TTC7B: variants seen among roughly 807,000 people sequenced by gnomAD.
The protein encoded by TTC7B is tetratricopeptide repeat domain 7B.
A neutral mutation model predicts 106.8 loss-of-function variants in TTC7B; 28 were observed. The ratio of observed to expected loss-of-function variants is 0.26; its 90% CI spans 0.19 to 0.36. The LOEUF (loss-of-function observed/expected upper bound fraction) is 0.36. Ranked by LOEUF, TTC7B falls within the 10% of genes least tolerant of loss-of-function variation. The probability of loss-of-function intolerance (pLI) is 1.00; values close to 1 mark genes in which losing one functional copy is unlikely to be tolerated. For missense variants in TTC7B, 862 were observed against 1,076.4 expected, an observed-to-expected ratio of 0.80 and a Z score of 2.79; for synonymous variants, 405 against 430.6, an observed-to-expected ratio of 0.94 and a Z score of 0.74.
chr14:90,658,439 A>C, intron 9 of TTC7B, 52 bp from the exon 10 acceptor site: 1 of 1,511,646 alleles, frequency 6.6e-7, no homozygotes, highest in Non-Finnish European at 9.2e-7. Flanking sequence ...CTGGTGCCAC[A>C]ACTGCACAAG....
intron 15 of TTC7B, among the ~76,000 whole-genome samples, chr14:90,634,486 G>C (rs1244015652): frequency 1.3e-5 from 2 of 152,000 alleles, no homozygotes; most frequent in Non-Finnish European, 2.9e-5. Context: ...TAAGAAGAGA[G>C]GGAGGCCGGG....
At chr14:90,800,800 G>A (rs940163127) in intron 1 of TTC7B, among the ~76,000 whole-genome samples, 1 of 152,022 alleles carries the variant, frequency 6.6e-6, no homozygotes, top group East Asian at 1.9e-4. Flanking sequence ...GACAGAGCAA[G>A]ACTCCGTCTC....
At chr14:90,549,582 C>T (rs1315445781) in intron 19 of TTC7B, among the ~76,000 whole-genome samples, 2 of 152,152 alleles carry the variant, frequency 1.3e-5, no homozygotes, top group Non-Finnish European at 2.9e-5. Flanking sequence ...CTGGCTGCTG[C>T]TGGTGGCTTC....
At chr14:90,741,857 A>T (rs1480404012) in intron 4 of TTC7B, among the ~76,000 whole-genome samples, 3 of 152,154 alleles carry the variant, frequency 2.0e-5, no homozygotes, top group Non-Finnish European at 4.4e-5. Flanking sequence ...TGTTGGGTTC[A>T]TTCAATCTCT....
In TTC7B at chr14:90,578,829, G is replaced by A. The variant is rs939053368; in HGVS notation, c.2108-521C>T. Among the ~76,000 whole-genome samples, 7 of 152,226 alleles carry A rather than the reference G, an allele frequency of 4.6e-5. No homozygotes were observed. The highest frequency in any genetic ancestry group is 1.7e-4 in the African/African-American group (7 of 41,558). On this transcript the variant is annotated intron_variant, in intron 18 of 19. Coordinates refer to ENST00000328459, the MANE Select transcript of TTC7B (RefSeq NM_001010854.2). The surrounding 1 kb of genome is among the most constrained non-coding windows in gnomAD (Gnocchi z 4.7). ...ATGTTCACAGGCGTGATGCAAGATGGCTGCCCCGCCACACCTGGCCCCTGA... is the reference window on the plus strand; with the variant it reads ...ATGTTCACAGGCGTGATGCAAGATGACTGCCCCGCCACACCTGGCCCCTGA...
At chr14:90,775,501 C>A (rs1365920242) in intron 3 of TTC7B, among the ~76,000 whole-genome samples, 1 of 152,086 alleles carries the variant, frequency 6.6e-6, no homozygotes, top group African/African-American at 2.4e-5. Flanking sequence ...CATGGAAGAG[C>A]AATTTCCACC....
intron 5 of TTC7B, among the ~76,000 whole-genome samples, chr14:90,703,135 G>T (rs553485935): frequency 1.5e-4 from 23 of 152,312 alleles, no homozygotes; most frequent in African/African-American, 5.3e-4. Context: ...ACAAGCATGA[G>T]GGCGGGGTCC....
intron 19 of TTC7B, among the ~76,000 whole-genome samples, chr14:90,546,889 G>A (rs1256159716): frequency 1.3e-5 from 2 of 152,214 alleles, no homozygotes; most frequent in South Asian, 2.1e-4. Context: ...TCACCTCCAG[G>A]AGCCAGCGCT....
At chr14:90,592,395 A>G (rs1029930434) in intron 18 of TTC7B, among the ~76,000 whole-genome samples, 3 of 152,220 alleles carry the variant, frequency 2.0e-5, no homozygotes, top group African/African-American at 7.2e-5. Flanking sequence ...AGCGCAGTGT[A>G]GTGGGATTCT....
chr14:90,679,099 C>T (rs1886948009), intron 8 of TTC7B, among the ~76,000 whole-genome samples: 1 of 152,130 alleles, frequency 6.6e-6, no homozygotes, highest in African/African-American at 2.4e-5. Context: ...TATGTGCTTC[C>T]CTGATTGCAC....
Position 90,802,868 on chromosome 14 carries a change from C to T in TTC7B, c.121+13307G>A, listed in dbSNP as rs1399464496. On this transcript the variant is annotated intron_variant, in intron 1 of 19. Transcript: ENST00000328459. This position sits in a 1 kb window ranked among gnomAD's most constrained non-coding sequence, Gnocchi z 4.7. The stretch of plus-strand genomic sequence containing the variant: ...TAGAAAACATGGATAAGGCCGGGCA[C>T]GGTGGCTCACGCCTGTAATCCCAGC... 1.3e-5 allele frequency among the ~76,000 whole-genome samples: 2 copies of T among 151,668 alleles called. No individual in the cohort carries two copies. The highest frequency in any genetic ancestry group is 1.9e-4 in the East Asian group (1 of 5,160).
chr14:90,766,596 G>A (rs1278042023), intron 3 of TTC7B: 2 of 852,888 alleles, frequency 2.3e-6, no homozygotes, highest in Admixed American at 3.4e-5. Flanking sequence ...TCATCGATGG[G>A]CAGTGGAAAA....
chr14:90,813,672 CT>C (rs374826647), intron 1 of TTC7B, among the ~76,000 whole-genome samples: 197 of 140,630 alleles, frequency 1.4e-3, no homozygotes, highest in Middle Eastern at 3.7e-3. Flanking sequence ...ACACTGTATT[CT>C]TTTTTTTTTT....
intron 19 of TTC7B, among the ~76,000 whole-genome samples, chr14:90,554,614 G>A (rs988738945): frequency 1.3e-5 from 2 of 152,186 alleles, no homozygotes; most frequent in African/African-American, 4.8e-5. Flanking sequence ...CTCAAGGCTC[G>A]GGACTGGAGG....
Position 90,531,377 on chromosome 14 carries a change from C to CT in TTC7B, c.*9990dup. The CT allele has an allele frequency of 6.6e-6, 1 of 151,892 alleles. No homozygotes were observed. The highest frequency in any genetic ancestry group is 1.9e-4 in the East Asian group (1 of 5,186). 9.4% of individuals were successfully genotyped at this position (151,892 alleles called of 1,614,324 possible). A position where few individuals can be genotyped will look rare whatever the true frequency, so the allele number is the denominator to read the frequency against. ...CCTGAAGCAGGAGTTCGAGACCAGCCTGACCTACATGGTGAAACTCTGTCT... is the reference window on the plus strand; with the variant it reads ...CCTGAAGCAGGAGTTCGAGACCAGCCTTGACCTACATGGTGAAACTCTGTCT... On this transcript the variant is annotated 3_prime_UTR_variant, in exon 20 of 20. Coordinates refer to ENST00000328459, the MANE Select transcript of TTC7B (RefSeq NM_001010854.2).
At chr14:90,581,170 A>G (rs1353587797) in intron 18 of TTC7B, among the ~76,000 whole-genome samples, 4 of 152,086 alleles carry the variant, frequency 2.6e-5, no homozygotes, top group Non-Finnish European at 5.9e-5. Flanking sequence ...GGGCTTGTGG[A>G]GGGGCATACT....
chr14:90,709,775 T>C (rs1221577008), intron 5 of TTC7B, among the ~76,000 whole-genome samples: 1 of 151,892 alleles, frequency 6.6e-6, no homozygotes, highest in African/African-American at 2.4e-5. Flanking sequence ...GTGGTATTAT[T>C]TTATAATGCT....
chr14:90,627,628 T>A (rs1199799087), intron 15 of TTC7B, among the ~76,000 whole-genome samples: 1 of 152,194 alleles, frequency 6.6e-6, no homozygotes, highest in African/African-American at 2.4e-5. Context: ...CGCCTCTTGG[T>A]GTCCTAATCC....
chr14:90,815,544 A>C (rs537899372), intron 1 of TTC7B, among the ~76,000 whole-genome samples: 1 of 151,808 alleles, frequency 6.6e-6, no homozygotes, highest in East Asian at 1.9e-4. Context: ...TTTCTCCTCT[A>C]TTCCCAACCC....
Sources: gnomAD v4.1 joint callset for allele counts (sites outside exome capture counted in the v4.1 genomes callset) on GRCh38, gnomAD v4.1.1 for gene constraint, Gnocchi (gnomAD v3.1) non-coding constraint, MANE v1.5 for transcripts, NCBI Gene and HGNC (gene_info 2026-07-23, HGNC 2026-07-21) for gene names.